The following POTEJ variants were observed in gnomAD, a reference collection of about 807,000 sequenced individuals.
POTEJ encodes the protein POTE ankyrin domain family member J.
In POTEJ, 11 loss-of-function variants were observed where a neutral mutation model predicts 69.0. The ratio of observed to expected loss-of-function variants is 0.16; its 90% confidence interval spans 0.10 to 0.26. POTEJ has a LOEUF of 0.26. Ranked by LOEUF, POTEJ falls within the 10% of genes least tolerant of loss-of-function variation. The pLI is 1.00. For synonymous variants in POTEJ, 117 were observed against 381.1 expected (o/e 0.31, Z 8.07); for missense variants, 327 against 1,045.5 (o/e 0.31, Z 9.48).
At position 130,623,920 on chromosome 2, in the gene POTEJ, A is replaced by C. The variant is rs1480519849; in HGVS notation, c.945-144A>C. 2.0e-5 allele frequency: 9 copies of C among 449,798 alleles called. No individual in the cohort carries two copies. The East Asian group carries it at 3.2e-4, about 16-fold the overall frequency. The allele number at this position is 449,798 out of a possible 1,614,324, so 27.9% of individuals were successfully genotyped here. ...TAGAAGCTTAAAGAGAAGTTTGTAG[A>C]ATGTACTCATAAGTGGATGGGATAA... On this transcript the variant is annotated intron_variant, in intron 5 of 14. Transcript: ENST00000409602.
intron 3 of POTEJ, among the ~76,000 whole-genome samples, chr2:130,618,920 A>AT (rs1162604670): frequency 9.1e-5 from 11 of 120,942 alleles, no homozygotes; most frequent in Admixed American, 5.3e-4. Context: ...ATTTTATTTT[A>AT]TTTTTTTTAT....
At chr2:130,622,589 C>T (rs1243157570) in intron 5 of POTEJ, among the ~76,000 whole-genome samples, 74 of 137,502 alleles carry the variant, frequency 5.4e-4, no homozygotes, top group African/African-American at 2.0e-3. Flanking sequence ...AGTAGAAAGT[C>T]CCATATGAAC....
chr2:130,612,762 CA>C (rs1320771385), intron 1 of POTEJ, among the ~76,000 whole-genome samples: 5 of 55,858 alleles, frequency 9.0e-5, no homozygotes, highest in East Asian at 4.9e-4. Context: ...GATTCCGTCT[CA>C]AAAAAAAAAA....
At position 130,656,883 on chromosome 2, in the gene POTEJ, G is replaced by C; in HGVS notation, c.2123G>C (p.Gly708Ala). ...TGCCCCAGGCAGCAGGGCATGATGG[G>C]GGGCATGCATCAGAAAGAGTCCTAT... ...VGCPRQQGMMGGMHQKESYVG... is the reference protein window; with the variant it reads ...VGCPRQQGMMAGMHQKESYVG... The change falls in exon 15 of 15, where the codon GGG (glycine) becomes GCG (alanine). Residue 708 changes from glycine (G) to alanine (A), a missense_variant. Physicochemically the swap from Gly to Ala is moderately conservative, Grantham distance 60 (BLOSUM62 0). Transcript: ENST00000409602. The C allele has an allele frequency of 6.3e-7, 1 of 1,599,826 alleles. No individual in the cohort carries two copies. Among genetic ancestry groups the C allele is most frequent in the Non-Finnish European group, 8.5e-7 (1 of 1,173,388 alleles).
At position 130,613,384 on chromosome 2, in the gene POTEJ, G is replaced by GTATATA. The variant is rs753097212; in HGVS notation, c.410+1463_410+1468dup. Among the ~76,000 whole-genome samples the GTATATA allele has an allele frequency of 5.8e-3, 479 of 83,286 alleles. 3 individuals carry two copies. Among genetic ancestry groups the GTATATA allele is most frequent in the African/African-American group, 8.3e-3 (181 of 21,756 alleles). 54.6% of individuals were successfully genotyped at this position (83,286 alleles called of 152,430 possible). A position where few individuals can be genotyped will look rare whatever the true frequency, so the allele number is the denominator to read the frequency against. ...TATACATATATATGTGTGTGTGTGT[G>GTATATA]TATATATATATATATATATATATAT... On this transcript the variant is annotated intron_variant, in intron 1 of 14. Transcript: ENST00000409602.
At chr2:130,643,183 T>C (rs1305348716) in intron 10 of POTEJ, among the ~76,000 whole-genome samples, 11 of 145,952 alleles carry the variant, frequency 7.5e-5, no homozygotes, top group African/African-American at 2.8e-4. Flanking sequence ...GAGGTACCTG[T>C]TTATCTGGGG....
intron 6 of POTEJ, among the ~76,000 whole-genome samples, chr2:130,624,918 A>G (rs1163834363): frequency 3.9e-5 from 6 of 152,114 alleles, no homozygotes; most frequent in Non-Finnish European, 7.3e-5. Context: ...ATTTTGTTAG[A>G]ACAAGATGCT....
At chr2:130,639,724 A>T (rs1486769194) in intron 10 of POTEJ, among the ~76,000 whole-genome samples, 2 of 152,220 alleles carry the variant, frequency 1.3e-5, no homozygotes, top group South Asian at 4.1e-4. Context: ...ACAAGATGGA[A>T]TAGATGTAGT....
At chr2:130,613,384 GTATATATATATATATA>G (rs753097212) in intron 1 of POTEJ, among the ~76,000 whole-genome samples, 1 of 83,578 alleles carries the variant, frequency 1.2e-5, no homozygotes, top group Non-Finnish European at 2.4e-5. Context: ...GTGTGTGTGT[GTATATATATATATATA>G]TATATATATA....
intron 10 of POTEJ, among the ~76,000 whole-genome samples, chr2:130,640,648 G>C (rs1199513162): frequency 4.0e-5 from 6 of 151,708 alleles, no homozygotes; most frequent in Non-Finnish European, 8.8e-5. Flanking sequence ...TTCTTCACGT[G>C]TGTCTTTTAA....
chr2:130,655,550 T>C (rs1686956454), intron 14 of POTEJ, among the ~76,000 whole-genome samples: 1 of 152,244 alleles, frequency 6.6e-6, no homozygotes, highest in African/African-American at 2.4e-5. Flanking sequence ...TGACATGCCA[T>C]GATACACATT....
At chr2:130,613,237 TATATATACATATATATACAC>T (rs1189054403) in intron 1 of POTEJ, among the ~76,000 whole-genome samples, 20 of 138,666 alleles carry the variant, frequency 1.4e-4, no homozygotes, top group South Asian at 4.4e-4. Context: ...TATATATACA[TATATATACATATATATACAC>T]ATATATACAT....
intron 4 of POTEJ, 63 bp from the exon 5 acceptor site, chr2:130,621,401 TGG>T (rs1445284895): frequency 7.3e-7 from 1 of 1,374,030 alleles, no homozygotes; most frequent in African/African-American, 1.5e-5. Context: ...GATGTTACAT[TGG>T]TAAAGTATAT....
intron 10 of POTEJ, among the ~76,000 whole-genome samples, chr2:130,643,371 C>CAGCT (rs1391112748): frequency 7.8e-6 from 1 of 128,362 alleles, no homozygotes; most frequent in Non-Finnish European, 1.7e-5. Context: ...ATACAAAAAT[C>CAGCT]AGCTGGGTGT....
At chr2:130,641,870 A>G (rs1686391488) in intron 10 of POTEJ, among the ~76,000 whole-genome samples, 1 of 152,238 alleles carries the variant, frequency 6.6e-6, no homozygotes, top group South Asian at 2.1e-4. Flanking sequence ...GTCCATGTGC[A>G]TCACCGTCTG....
intron 3 of POTEJ, among the ~76,000 whole-genome samples, chr2:130,617,942 C>T (rs1312738838): frequency 1.3e-5 from 2 of 152,118 alleles, no homozygotes; most frequent in African/African-American, 4.8e-5. Flanking sequence ...GAATAGAGAT[C>T]AATTTTAGGA....
At chr2:130,612,601 A>C (rs1272507696) in intron 1 of POTEJ, among the ~76,000 whole-genome samples, 1 of 151,706 alleles carries the variant, frequency 6.6e-6, no homozygotes, top group African/African-American at 2.4e-5. Context: ...TCTACTAAAA[A>C]TTATAAAAAA....
Position 130,650,459 on chromosome 2 carries a change from T to G in POTEJ, c.1667+4149T>G, listed in dbSNP as rs1297085854. On this transcript the variant is annotated intron_variant, in intron 13 of 14. Transcript: ENST00000409602. ...TTATTGTTCATTACCATATCCTCAC[T>G]TCCTAGAAAAAGGCCTAGCCTATCA... 6.6e-5 allele frequency among the ~76,000 whole-genome samples: 10 copies of G among 152,152 alleles called. No homozygotes were observed. In the East Asian group the frequency reaches 1.9e-3, roughly 29 times the overall value.
intron 10 of POTEJ, among the ~76,000 whole-genome samples, chr2:130,643,186 A>G (rs1195575066): frequency 6.8e-6 from 1 of 146,240 alleles, no homozygotes; most frequent in Non-Finnish European, 1.5e-5. Context: ...GTACCTGTTT[A>G]TCTGGGGAAA....
Sources: allele counts gnomAD v4.1 joint callset (sites outside exome capture counted in the v4.1 genomes callset), GRCh38; gene constraint gnomAD v4.1.1; transcripts MANE v1.5; gene names NCBI Gene and HGNC (gene_info 2026-07-23, HGNC 2026-07-21).